Variants in DYRK3 observed in about 807,000 individuals in gnomAD.
The protein encoded by DYRK3 is dual specificity tyrosine phosphorylation regulated kinase 3.
DYRK3 carries 30 observed loss-of-function variants against 40.8 expected under a neutral mutation model. The ratio of observed to expected loss-of-function variants is 0.74; its 90% CI spans 0.55 to 1.00. DYRK3 has a LOEUF of 1.00. Among genes scored for constraint, DYRK3 ranks in the 50% least tolerant of loss-of-function variants. DYRK3 has a pLI of 0.00. For synonymous variants in DYRK3, 272 were observed against 260.7 expected, an observed-to-expected ratio of 1.04 and a Z score of -0.42; for missense variants, 699 against 731.5, an observed-to-expected ratio of 0.96 and a Z score of 0.51.
rs1327187654 is a variant in DYRK3, at chr1:206,649,670, T to A, written c.*705T>A. On this transcript the variant is annotated 3_prime_UTR_variant, in exon 3 of 3. Coordinates refer to ENST00000367109, the MANE Select transcript of DYRK3 (RefSeq NM_003582.4). ...GTACTGATTTAAAAACTGAGTCATA[T>A]GCATCCCTCCTCCTTTCCTCTCCCA... Among the ~76,000 whole-genome samples the A allele has an allele frequency of 6.6e-6, 1 of 152,252 alleles. No individual in the cohort carries two copies. The highest frequency in any genetic ancestry group is 2.1e-4 in the South Asian group (1 of 4,834).
intron 2 of DYRK3, among the ~76,000 whole-genome samples, chr1:206,644,600 T>C (rs560475936): frequency 3.3e-5 from 5 of 152,296 alleles, no homozygotes; most frequent in African/African-American, 1.2e-4. Flanking sequence ...AATGCAGTGG[T>C]GCGATCTCAG....
Position 206,650,676 on chromosome 1 carries a change from T to G in DYRK3, c.*1711T>G, listed in dbSNP as rs1553421197. On this transcript the variant is annotated 3_prime_UTR_variant, in exon 3 of 3. Transcript: ENST00000367109. ...CAATGACATTGGAAGAGACTCTTTTTGTTGGGCAGTGTAGGAACAAGAAAA... is the reference window on the plus strand; with the variant it reads ...CAATGACATTGGAAGAGACTCTTTTGGTTGGGCAGTGTAGGAACAAGAAAA... Among the ~76,000 whole-genome samples the G allele has an allele frequency of 1.3e-5, 2 of 152,356 alleles. No homozygotes were observed. The highest frequency in any genetic ancestry group is 3.9e-4 in the East Asian group (2 of 5,188).
At chr1:206,636,116 A>G (rs782016569) in intron 1 of DYRK3, 1 of 1,344,712 alleles carries the variant, frequency 7.4e-7, no homozygotes, top group South Asian at 1.2e-5. Context: ...AAAGGGGGGG[A>G]GCCCGGGAGC....
intron 1 of DYRK3, 162 bp downstream of exon 1, chr1:206,635,942 C>A: frequency 1.5e-6 from 2 of 1,320,320 alleles, no homozygotes; most frequent in Non-Finnish European, 9.7e-7. Flanking sequence ...TCCTCTCTAT[C>A]AGGGCCCCCT....
intron 2 of DYRK3, among the ~76,000 whole-genome samples, chr1:206,641,355 A>G (rs570956829): frequency 1.4e-5 from 2 of 140,610 alleles, no homozygotes; most frequent in Middle Eastern, 3.5e-3. Flanking sequence ...TTTCTGAGTT[A>G]CTTCACTTAG....
In DYRK3 at chr1:206,647,640, A is replaced by G. The variant is rs1558558625; in HGVS notation, c.442A>G (p.Lys148Glu). 1 of 1,614,218 alleles carries G rather than the reference A, an allele frequency of 6.2e-7. No homozygotes were observed. The change falls in exon 3 of 3, where the codon AAG (lysine) becomes GAG (glutamate). Residue 148 changes from lysine to glutamate, a missense_variant. By Grantham distance (56) the Lys-to-Glu change is moderately conservative. Transcript: ENST00000367109. ...VVPLTPEQAL[K>E]QYKHHLTAYE... ...GCCTCTGACTCCAGAACAAGCCCTG[A>G]AGCAATATAAACACCACCTCACTGC... is the stretch of plus-strand genomic sequence containing the variant.
chr1:206,638,817 C>G (rs1240587190), intron 2 of DYRK3, among the ~76,000 whole-genome samples: 2 of 149,314 alleles, frequency 1.3e-5, no homozygotes, highest in East Asian at 3.9e-4. Flanking sequence ...AAAATCACTT[C>G]TATTTTTCAT....
Position 206,647,933 on chromosome 1 carries a change from C to G in DYRK3, c.735C>G (p.Arg245=), listed in dbSNP as rs1343203571. 8.1e-6 allele frequency: 13 copies of G among 1,613,896 alleles called. No homozygotes were observed. Among genetic ancestry groups the G allele is most frequent in the Non-Finnish European group, 1.1e-5 (13 of 1,180,008 alleles). Residue 245 remains arginine (R), a synonymous_variant, in exon 3 of 3, where the codon CGC becomes CGG. Transcript: ENST00000367109. ...VALKMVRNEK[R]FHRQAAEEIR... ...TAAAAATGGTGCGCAATGAGAAGCGCTTTCATCGTCAAGCAGCTGAGGAGA... is the reference window on the plus strand; with the variant it reads ...TAAAAATGGTGCGCAATGAGAAGCGGTTTCATCGTCAAGCAGCTGAGGAGA...
intron 2 of DYRK3, among the ~76,000 whole-genome samples, chr1:206,643,231 G>A (rs935142211): frequency 6.6e-6 from 1 of 152,070 alleles, no homozygotes; most frequent in African/African-American, 2.4e-5. Context: ...CTTGAAATTT[G>A]GACACTTCTG....
intron 2 of DYRK3, 95 bp downstream of exon 2, chr1:206,637,856 C>A: frequency 1.1e-6 from 1 of 918,190 alleles, no homozygotes; most frequent in Non-Finnish European, 1.6e-6. Context: ...CACTGACAAC[C>A]AGACTTTTTT....
In DYRK3 at chr1:206,652,182, C is replaced by T. The variant is rs1262103963; in HGVS notation, c.*3217C>T. ...ATTGCTGTTGTCCTGAATTTTCTAA[C>T]TTGGAGAAATTTAAGGATCTCCTGC... On this transcript the variant is annotated 3_prime_UTR_variant, in exon 3 of 3. Coordinates refer to ENST00000367109, the MANE Select transcript of DYRK3 (RefSeq NM_003582.4). Among the ~76,000 whole-genome samples the T allele has an allele frequency of 6.6e-6, 1 of 152,204 alleles. No homozygotes were observed. The highest frequency in any genetic ancestry group is 6.5e-5 in the Admixed American group (1 of 15,280).
Position 206,647,796 on chromosome 1 carries a change from G to A in DYRK3, c.598G>A (p.Val200Ile), listed in dbSNP as rs1553420405. ...TGATGCAGATGGGGCCTATATTCAT[G>A]TACCTCGAGACCATCTAGCTTATCG... is the stretch of plus-strand genomic sequence containing the variant. Reference protein sequence around the residue: ...YDDADGAYIHVPRDHLAYRYE... With the variant: ...YDDADGAYIHIPRDHLAYRYE... Residue 200 changes from valine (V) to isoleucine (I), a missense_variant, in exon 3 of 3, where the codon GTA becomes ATA. Transcript: ENST00000367109. 4 of 1,614,154 alleles carry A rather than the reference G, an allele frequency of 2.5e-6. No homozygotes were observed. In the South Asian group the frequency reaches 3.3e-5, roughly 13 times the overall value.
chr1:206,639,113 A>C (rs1219424315), intron 2 of DYRK3, among the ~76,000 whole-genome samples: 1 of 152,010 alleles, frequency 6.6e-6, no homozygotes, highest in Non-Finnish European at 1.5e-5. Flanking sequence ...TCCTGACCTT[A>C]AGTGGTCCAC....
chr1:206,644,712 G>T (rs778253986), intron 2 of DYRK3, among the ~76,000 whole-genome samples: 179 of 152,216 alleles, frequency 1.2e-3, no homozygotes, highest in Non-Finnish European at 2.1e-3. Flanking sequence ...GCTAATTTTT[G>T]TATTTTTAGT....
rs1376177401 is a variant in DYRK3 at position 206,653,193 on chromosome 1, A to G, written c.*4228A>G. Among the ~76,000 whole-genome samples, 3 of 151,808 alleles carry G rather than the reference A, an allele frequency of 2.0e-5. No individual in the cohort carries two copies. Among genetic ancestry groups the G allele is most frequent in the Middle Eastern group, 3.2e-3 (1 of 316 alleles). Reference sequence around the variant, plus strand: ...CTACCATGCCTGGCTAATTTTTTGTATATCTGTAGAGAGGGGGTTTCACCA... The same window carrying G: ...CTACCATGCCTGGCTAATTTTTTGTGTATCTGTAGAGAGGGGGTTTCACCA... On this transcript the variant is annotated 3_prime_UTR_variant, in exon 3 of 3. Transcript: ENST00000367109.
At chr1:206,641,082 G>T (rs1671275781) in intron 2 of DYRK3, among the ~76,000 whole-genome samples, 1 of 148,326 alleles carries the variant, frequency 6.7e-6, no homozygotes, top group Admixed American at 6.7e-5. Flanking sequence ...AATATTTAGT[G>T]TTTTTTTTTT....
intron 2 of DYRK3, among the ~76,000 whole-genome samples, chr1:206,646,438 AC>A (rs1476763369): frequency 6.6e-6 from 1 of 152,056 alleles, no homozygotes; most frequent in Non-Finnish European, 1.5e-5. Flanking sequence ...ATTGTGGAAA[AC>A]CTGGTGAAAG....
chr1:206,643,630 A>G (rs1299445767), intron 2 of DYRK3, among the ~76,000 whole-genome samples: 1 of 152,192 alleles, frequency 6.6e-6, no homozygotes, highest in Non-Finnish European at 1.5e-5. Flanking sequence ...GAGGTAACAC[A>G]GTACATTGTA....
chr1:206,637,590 G>A (rs1290246074), intron 1 of DYRK3, 60 bp from the exon 2 acceptor site: 1 of 1,172,386 alleles, frequency 8.5e-7, no homozygotes, highest in Non-Finnish European at 1.3e-6. Context: ...AAGCAGTTAA[G>A]ACATAGGATT....
Sources: allele counts gnomAD v4.1 joint callset (sites outside exome capture counted in the v4.1 genomes callset), GRCh38; gene constraint gnomAD v4.1.1; transcripts MANE v1.5; gene names NCBI Gene and HGNC (gene_info 2026-07-23, HGNC 2026-07-21).